Variants in CFTR observed in about 807,000 individuals in gnomAD.
CFTR encodes the protein CF transmembrane conductance regulator, also known as cystic fibrosis transmembrane conductance regulator.
CFTR carries 181 observed loss-of-function variants against 171.6 expected under a neutral mutation model. The observed-to-expected ratio is 1.05, with a 90% CI of 0.93 to 1.19. CFTR has a LOEUF of 1.19. CFTR is among the 50% of genes most tolerant of loss of function. The probability of loss-of-function intolerance (pLI) is 0.00; values close to 1 mark genes in which losing one functional copy is unlikely to be tolerated. For synonymous variants in CFTR, 583 were observed against 608.0 expected (o/e 0.96, Z 0.60); for missense variants, 1,968 against 1,734.7 (o/e 1.13, Z -2.39).
At chr7:117,589,537 A>C (rs1421601875) in intron 12 of CFTR, among the ~76,000 whole-genome samples, 1 of 152,022 alleles carries the variant, frequency 6.6e-6, no homozygotes. Flanking sequence ...ATTTCTATTA[A>C]TATGGGAACT....
In CFTR at chr7:117,602,843, T is replaced by C. The variant is rs1792246242; in HGVS notation, c.2637T>C (p.Val879=). The change falls in exon 16 of 27, where the codon GTT becomes GTC. Residue 879 remains valine, a synonymous_variant. Transcript: ENST00000003084. ...CATTCCAGGTGGCTGCTTCTTTGGT[T>C]GTGCTGTGGCTCCTTGGAAAGTGAG... is the stretch of plus-strand genomic sequence containing the variant. ...IFLAEVAASL[V]VLWLLGNTPL... 8 of 1,613,920 alleles carry C rather than the reference T, an allele frequency of 5.0e-6. No homozygotes were observed. The highest frequency in any genetic ancestry group is 5.9e-6 in the Non-Finnish European group (7 of 1,179,902).
intron 22 of CFTR, among the ~76,000 whole-genome samples, chr7:117,637,705 C>T (rs544535177): frequency 9.9e-5 from 15 of 151,918 alleles, no homozygotes; most frequent in Non-Finnish European, 1.3e-4. Flanking sequence ...GGTGAAACCC[C>T]GTCTCTACTA....
intron 3 of CFTR, among the ~76,000 whole-genome samples, chr7:117,524,189 T>C (rs1272443649): frequency 6.6e-6 from 1 of 152,152 alleles, no homozygotes; most frequent in African/African-American, 2.4e-5. Context: ...TTATAAGCAG[T>C]GTTCACAGGT....
intron 20 of CFTR, among the ~76,000 whole-genome samples, chr7:117,612,820 G>A (rs213980): frequency 0.19 from 28,590 of 151,972 alleles, 2,869 homozygotes; most frequent in Non-Finnish European, 0.21. Flanking sequence ...TCCTTTTTGT[G>A]GTTGCTTCAT....
chr7:117,614,896 T>A (rs1189123541), intron 21 of CFTR, among the ~76,000 whole-genome samples, 183 bp downstream of exon 21: 3 of 152,148 alleles, frequency 2.0e-5, no homozygotes, highest in African/African-American at 7.2e-5. Context: ...TTCTCATAGA[T>A]AGCCACTATG....
chr7:117,560,422 T>C (rs1391749451), intron 11 of CFTR, among the ~76,000 whole-genome samples: 1 of 152,150 alleles, frequency 6.6e-6, no homozygotes, highest in African/African-American at 2.4e-5. Context: ...CTCCAAATAG[T>C]GTTTGTGATT....
chr7:117,523,320 G>A (rs1279838480), intron 3 of CFTR, among the ~76,000 whole-genome samples: 3 of 151,956 alleles, frequency 2.0e-5, no homozygotes, highest in Non-Finnish European at 2.9e-5. Flanking sequence ...AATAGCCCTT[G>A]CACTCCAGCC....
intron 3 of CFTR, among the ~76,000 whole-genome samples, chr7:117,515,889 A>G (rs898097620): frequency 1.6e-4 from 25 of 152,038 alleles, no homozygotes; most frequent in African/African-American, 5.3e-4. Flanking sequence ...CTGTGTTCCT[A>G]GGTATTTTGT....
intron 11 of CFTR, among the ~76,000 whole-genome samples, chr7:117,587,406 G>A (rs1791952924): frequency 2.5e-5 from 3 of 122,160 alleles, no homozygotes; most frequent in Admixed American, 8.0e-5. Context: ...GATAACATTT[G>A]AATTTGTAAA....
intron 22 of CFTR, among the ~76,000 whole-genome samples, chr7:117,637,163 C>T (rs1385888496): frequency 6.6e-6 from 1 of 151,678 alleles, no homozygotes; most frequent in Non-Finnish European, 1.5e-5. Flanking sequence ...TCTGTTAATT[C>T]CAACATCCCT....
chr7:117,666,234 G>A (rs1241834694), intron 26 of CFTR, among the ~76,000 whole-genome samples: 1 of 152,172 alleles, frequency 6.6e-6, no homozygotes, highest in Middle Eastern at 3.2e-3. Context: ...CTTCTTTCAA[G>A]TGATGTTTAC....
chr7:117,511,716 A>T (rs1466964294), intron 3 of CFTR, among the ~76,000 whole-genome samples: 2 of 152,240 alleles, frequency 1.3e-5, no homozygotes, highest in African/African-American at 4.8e-5. Flanking sequence ...CGCTGACACC[A>T]TGCAGTTTTA....
chr7:117,516,444 T>C (rs558393687), intron 3 of CFTR, among the ~76,000 whole-genome samples: 1 of 152,196 alleles, frequency 6.6e-6, no homozygotes, highest in Non-Finnish European at 1.5e-5. Context: ...AGGGCCTAGA[T>C]AAATGGTATT....
chr7:117,665,678 T>C (rs1793363961), intron 26 of CFTR, 114 bp downstream of exon 26: 1 of 752,008 alleles, frequency 1.3e-6, no homozygotes, highest in Non-Finnish European at 2.4e-6. Flanking sequence ...TTCAAAAATA[T>C]GTATCATACA....
chr7:117,630,363 A>T (rs1792722794), intron 22 of CFTR, among the ~76,000 whole-genome samples: 1 of 152,076 alleles, frequency 6.6e-6, no homozygotes, highest in Admixed American at 6.6e-5. Context: ...TTTATATAGG[A>T]AGTGGCATTT....
At chr7:117,653,297 C>T (rs1272864052) in intron 24 of CFTR, among the ~76,000 whole-genome samples, 2 of 152,170 alleles carry the variant, frequency 1.3e-5, no homozygotes, top group Non-Finnish European at 2.9e-5. Context: ...AACCATCAGG[C>T]CCTATCTTGG....
At chr7:117,486,961 CAATT>C (rs1798085327) in intron 1 of CFTR, among the ~76,000 whole-genome samples, 1 of 150,982 alleles carries the variant, frequency 6.6e-6, no homozygotes, top group Non-Finnish European at 1.5e-5. Flanking sequence ...GTTTGGTAAT[CAATT>C]AGTAGTTGAA....
intron 22 of CFTR, among the ~76,000 whole-genome samples, chr7:117,633,726 TTG>T (rs779488050): frequency 4.1e-4 from 62 of 152,200 alleles, no homozygotes; most frequent in Non-Finnish European, 7.2e-4. Flanking sequence ...GTGTTAAATT[TTG>T]TGAAATGCTT....
At chr7:117,643,554 A>G (rs922918022) in intron 23 of CFTR, among the ~76,000 whole-genome samples, 1 of 152,134 alleles carries the variant, frequency 6.6e-6, no homozygotes, top group African/African-American at 2.4e-5. Context: ...GGTGCTTTTA[A>G]TTTATTTGTC....
Sources: gnomAD v4.1 joint callset for allele counts (sites outside exome capture counted in the v4.1 genomes callset) on GRCh38, gnomAD v4.1.1 for gene constraint, MANE v1.5 for transcripts, NCBI Gene and HGNC (gene_info 2026-07-23, HGNC 2026-07-21) for gene names.